The following ADAMTS6 variants were observed in gnomAD, a reference collection of about 807,000 sequenced individuals.
ADAMTS6 encodes the protein A disintegrin and metalloproteinase with thrombospondin motifs 6.
ADAMTS6 carries 23 observed loss-of-function variants against 144.3 expected under a neutral mutation model. That is an observed-to-expected ratio of 0.16 (90% confidence interval 0.11 to 0.23). The LOEUF is 0.23. Ranked by LOEUF, ADAMTS6 falls within the 10% of genes least tolerant of loss-of-function variation. The pLI is 1.00. For synonymous variants in ADAMTS6, 444 were observed against 457.5 expected, an observed-to-expected ratio of 0.97 and a Z score of 0.38; for missense variants, 999 against 1,379.6, an observed-to-expected ratio of 0.72 and a Z score of 4.37.
chr5:65,192,902 T>C (rs1755105454), intron 21 of ADAMTS6, among the ~76,000 whole-genome samples: 1 of 151,982 alleles, frequency 6.6e-6, no homozygotes, highest in African/African-American at 2.4e-5. Context: ...TAAGGACAAA[T>C]CTTACTGTTC....
intron 7 of ADAMTS6, among the ~76,000 whole-genome samples, chr5:65,349,328 C>T (rs1748631284): frequency 2.0e-5 from 3 of 151,852 alleles, no homozygotes; most frequent in African/African-American, 7.3e-5. Flanking sequence ...ATTTTGAAAA[C>T]TGGACTTCAT....
intron 15 of ADAMTS6, among the ~76,000 whole-genome samples, chr5:65,238,046 A>G: frequency 6.6e-6 from 1 of 151,970 alleles, no homozygotes; most frequent in Non-Finnish European, 1.5e-5. Flanking sequence ...TGATCACACC[A>G]CTGCACTCCA....
chr5:65,177,530 CA>C (rs1754053461), intron 22 of ADAMTS6, among the ~76,000 whole-genome samples: 1 of 152,178 alleles, frequency 6.6e-6, no homozygotes, highest in Admixed American at 6.5e-5. Context: ...ACCCTAGTGT[CA>C]ACCAGGATTC....
At chr5:65,363,833 A>G (rs1750054389) in intron 7 of ADAMTS6, among the ~76,000 whole-genome samples, 1 of 152,232 alleles carries the variant, frequency 6.6e-6, no homozygotes, top group Non-Finnish European at 1.5e-5. Context: ...AGAATTTCAA[A>G]TCAAAATAAA....
At chr5:65,168,813 G>A (rs1435282666) in intron 24 of ADAMTS6, among the ~76,000 whole-genome samples, 1 of 146,704 alleles carries the variant, frequency 6.8e-6, no homozygotes, top group Non-Finnish European at 1.5e-5. Context: ...AAATGGTGCT[G>A]GGAAAACTGG....
At chr5:65,258,314 C>A (rs968820975) in intron 14 of ADAMTS6, among the ~76,000 whole-genome samples, 3 of 152,016 alleles carry the variant, frequency 2.0e-5, no homozygotes, top group African/African-American at 7.2e-5. Flanking sequence ...ATAGTCACTG[C>A]AAAAGCCCGA....
chr5:65,398,457 G>A (rs531720620), intron 7 of ADAMTS6, among the ~76,000 whole-genome samples: 2 of 152,188 alleles, frequency 1.3e-5, no homozygotes, highest in Non-Finnish European at 2.9e-5. Context: ...GGGTGCGGTG[G>A]CTCACGCCTG....
chr5:65,398,830 AAGAAAGAAAGAAAGAAAGAAAAAGAAAG>A (rs1561501859), intron 7 of ADAMTS6, among the ~76,000 whole-genome samples: 2 of 146,168 alleles, frequency 1.4e-5, no homozygotes, highest in African/African-American at 2.7e-5. Context: ...GAAAGAAAGA[AAGAAAGAAAGAAAGAAAGAAAAAGAAAG>A]AGAAAGAAAG....
chr5:65,313,261 T>C (rs1352719423), intron 9 of ADAMTS6, among the ~76,000 whole-genome samples: 2 of 152,012 alleles, frequency 1.3e-5, no homozygotes, highest in African/African-American at 4.8e-5. Flanking sequence ...GTCCATACTA[T>C]GGCAAAAGCC....
At chr5:65,330,910 A>G (rs1184689083) in intron 8 of ADAMTS6, among the ~76,000 whole-genome samples, 1 of 152,022 alleles carries the variant, frequency 6.6e-6, no homozygotes, top group Admixed American at 6.6e-5. Flanking sequence ...TTTTTGTTTC[A>G]GTTAATTTTT....
chr5:65,196,888 C>G, intron 21 of ADAMTS6, 134 bp downstream of exon 21: 1 of 1,080,896 alleles, frequency 9.3e-7, no homozygotes, highest in South Asian at 2.4e-5. Flanking sequence ...CAAAATTCCT[C>G]CCTCTCAGGA....
intron 15 of ADAMTS6, among the ~76,000 whole-genome samples, chr5:65,239,057 A>T (rs954743448): frequency 6.6e-6 from 1 of 152,150 alleles, no homozygotes; most frequent in African/African-American, 2.4e-5. Flanking sequence ...CATAGGTGGG[A>T]ATTGAACAAT....
At chr5:65,352,075 A>G (rs1005550707) in intron 7 of ADAMTS6, among the ~76,000 whole-genome samples, 3 of 151,558 alleles carry the variant, frequency 2.0e-5, no homozygotes, top group South Asian at 2.1e-4. Flanking sequence ...TCGATGTTCT[A>G]TGCTCCATCT....
At chr5:65,335,642 G>C (rs955185117) in intron 7 of ADAMTS6, among the ~76,000 whole-genome samples, 1 of 152,038 alleles carries the variant, frequency 6.6e-6, no homozygotes, top group Non-Finnish European at 1.5e-5. Context: ...CCCAGGTATA[G>C]TGCCATATAC....
intron 4 of ADAMTS6, among the ~76,000 whole-genome samples, chr5:65,459,156 G>A (rs1309855454): frequency 6.6e-6 from 1 of 152,002 alleles, no homozygotes; most frequent in Non-Finnish European, 1.5e-5. Context: ...GGGATTACAG[G>A]TGTGAGCCAC....
chr5:65,287,602 C>T (rs536979031), intron 11 of ADAMTS6, among the ~76,000 whole-genome samples: 7 of 152,252 alleles, frequency 4.6e-5, no homozygotes, highest in African/African-American at 1.7e-4. Context: ...ACAATCTCAG[C>T]TCACTGCAAC....
At chr5:65,275,923 T>C (rs1320186106) in intron 11 of ADAMTS6, among the ~76,000 whole-genome samples, 1 of 152,140 alleles carries the variant, frequency 6.6e-6, no homozygotes, top group Non-Finnish European at 1.5e-5. Flanking sequence ...TCCTGGATGA[T>C]ACTCCTGATC....
intron 7 of ADAMTS6, among the ~76,000 whole-genome samples, chr5:65,445,377 G>T (rs1014877096): frequency 5.3e-5 from 8 of 152,088 alleles, no homozygotes; most frequent in Non-Finnish European, 8.8e-5. Context: ...TCACTCTATT[G>T]CCCAGGCTGG....
At chr5:65,374,278 G>A (rs556159396) in intron 7 of ADAMTS6, among the ~76,000 whole-genome samples, 156 of 151,992 alleles carry the variant, frequency 1.0e-3, no homozygotes, top group Admixed American at 5.2e-3. Context: ...GCAGGAGAAG[G>A]AAATAAAGGA....
Sources: allele counts gnomAD v4.1 joint callset (sites outside exome capture counted in the v4.1 genomes callset), GRCh38; gene constraint gnomAD v4.1.1; transcripts MANE v1.5; gene names NCBI Gene and HGNC (gene_info 2026-07-23, HGNC 2026-07-21).